The following PDE1A variants were observed in gnomAD, a reference collection of about 807,000 sequenced individuals.
PDE1A encodes the protein phosphodiesterase 1A, also known as dual specificity calcium/calmodulin-dependent 3',5'-cyclic nucleotide phosphodiesterase 1A.
A neutral mutation model predicts 61.7 loss-of-function variants in PDE1A; 35 were observed. That is an observed-to-expected ratio of 0.57 (90% CI 0.43 to 0.75). The LOEUF is 0.75. Ranked by LOEUF, PDE1A falls within the 30% of genes least tolerant of loss-of-function variation. PDE1A has a pLI of 0.00. For missense variants in PDE1A, 597 were observed against 630.6 expected (o/e 0.95, Z 0.57); for synonymous variants, 232 against 213.2 (o/e 1.09, Z -0.77).
intron 13 of PDE1A, among the ~76,000 whole-genome samples, chr2:182,150,915 T>G (rs562062944): frequency 6.6e-6 from 1 of 152,302 alleles, no homozygotes; most frequent in East Asian, 1.9e-4. Context: ...TTAGAGACTT[T>G]TGTCCTCCAG....
In PDE1A at chr2:182,182,208, C is replaced by T. The variant is rs1684822069; in HGVS notation, c.1516+3684G>A. ...TCCATGAAATGATTATATAATTTTA[C>T]CTATATACAAATAATGTGTAAGAAA... On this transcript the variant is annotated intron_variant, in intron 13 of 13. Coordinates refer to ENST00000351439, the Ensembl canonical transcript of PDE1A. Among the ~76,000 whole-genome samples, 2 of 152,146 alleles carry T rather than the reference C, an allele frequency of 1.3e-5. 1 individual carries two copies. Among genetic ancestry groups the T allele is most frequent in the African/African-American group, 4.8e-5 (2 of 41,436 alleles).
chr2:182,307,388 T>C (rs1025690727), intron 1 of PDE1A, among the ~76,000 whole-genome samples: 1 of 152,122 alleles, frequency 6.6e-6, no homozygotes, highest in African/African-American at 2.4e-5. Flanking sequence ...GGGTTCCTTA[T>C]AAAGGTGGAA....
the PDE1A span, among the ~76,000 whole-genome samples, chr2:182,648,500 C>A: frequency 1.0e-5 from 1 of 99,986 alleles, no homozygotes; most frequent in Admixed American, 1.2e-4. Flanking sequence ...GCAAGCAAGA[C>A]CCTGTCCCCA....
chr2:182,415,138 C>T (rs1029269720), intron 1 of PDE1A, among the ~76,000 whole-genome samples: 6 of 151,944 alleles, frequency 3.9e-5, no homozygotes, highest in Non-Finnish European at 2.9e-5. Context: ...AAATATATTG[C>T]CTTCAATAAA....
At chr2:182,656,863 T>C in the PDE1A span, among the ~76,000 whole-genome samples, 1 of 152,228 alleles carries the variant, frequency 6.6e-6, no homozygotes, top group East Asian at 1.9e-4. Context: ...GTGTGATTAG[T>C]CATTTTCTTC....
chr2:182,503,040 TACAC>T (rs35067674), intron 2 of PDE1A, among the ~76,000 whole-genome samples: 138 of 97,008 alleles, frequency 1.4e-3, no homozygotes, highest in African/African-American at 3.6e-3. Flanking sequence ...CATTCTTTCT[TACAC>T]ACACACACAC....
chr2:182,685,936 T>C, the PDE1A span, among the ~76,000 whole-genome samples: 1 of 152,236 alleles, frequency 6.6e-6, no homozygotes, highest in African/African-American at 2.4e-5. Flanking sequence ...TCTATTCTAC[T>C]AGTCATTAGA....
chr2:182,270,238 A>C (rs756380146), intron 1 of PDE1A, among the ~76,000 whole-genome samples: 14 of 152,198 alleles, frequency 9.2e-5, no homozygotes, highest in Non-Finnish European at 1.3e-4. Context: ...AAATCAAGCA[A>C]TTGCAGAAGA....
chr2:182,609,360 CA>C, the PDE1A span, among the ~76,000 whole-genome samples: 2 of 152,248 alleles, frequency 1.3e-5, no homozygotes, highest in African/African-American at 4.8e-5. Flanking sequence ...CAGGCTGCCC[CA>C]GCCAGCCTGG....
chr2:182,199,845 C>A (rs547118615), intron 10 of PDE1A, among the ~76,000 whole-genome samples: 16 of 152,106 alleles, frequency 1.1e-4, no homozygotes, highest in African/African-American at 3.6e-4. Context: ...AAAAATGAAA[C>A]CACACATTAT....
At chr2:182,361,145 A>G (rs1699482509) in intron 1 of PDE1A, among the ~76,000 whole-genome samples, 1 of 152,110 alleles carries the variant, frequency 6.6e-6, no homozygotes, top group African/African-American at 2.4e-5. Flanking sequence ...TGATAGTGTA[A>G]AGATCTGAAT....
the PDE1A span, among the ~76,000 whole-genome samples, chr2:182,687,030 G>T: frequency 0.048 from 7,255 of 152,302 alleles, 255 homozygotes; most frequent in Non-Finnish European, 0.074. Context: ...AAAGCAGCCC[G>T]CTGGGAAGCT....
chr2:182,435,226 C>T (rs976399106), intron 2 of PDE1A, among the ~76,000 whole-genome samples: 7 of 151,912 alleles, frequency 4.6e-5, no homozygotes, highest in African/African-American at 9.7e-5. Flanking sequence ...GTGTAATCAA[C>T]GAACATACAA....
the PDE1A span, among the ~76,000 whole-genome samples, chr2:182,666,192 C>A: frequency 1.5e-3 from 234 of 152,252 alleles, 1 homozygote; most frequent in Non-Finnish European, 1.5e-3. Context: ...GCACATCCTG[C>A]ACATGTAACC....
intron 1 of PDE1A, among the ~76,000 whole-genome samples, chr2:182,417,956 CA>C (rs1418058479): frequency 6.6e-6 from 1 of 151,984 alleles, no homozygotes; most frequent in African/African-American, 2.4e-5. Context: ...GCAGGTATTA[CA>C]AAAATATTTA....
At chr2:182,329,190 A>G (rs1307534157) in intron 1 of PDE1A, among the ~76,000 whole-genome samples, 1 of 152,142 alleles carries the variant, frequency 6.6e-6, no homozygotes, top group Non-Finnish European at 1.5e-5. Context: ...TAAAATTTAA[A>G]TTGCCAACCT....
intron 1 of PDE1A, among the ~76,000 whole-genome samples, chr2:182,417,845 G>C (rs893350470): frequency 6.6e-6 from 1 of 152,022 alleles, no homozygotes; most frequent in Admixed American, 6.6e-5. Flanking sequence ...GCAGAAGTTT[G>C]TTGTGTTTTG....
At chr2:182,675,566 C>G in the PDE1A span, among the ~76,000 whole-genome samples, 1 of 152,152 alleles carries the variant, frequency 6.6e-6, no homozygotes, top group Non-Finnish European at 1.5e-5. Flanking sequence ...AATTTACACT[C>G]CCACCAACAG....
the PDE1A span, among the ~76,000 whole-genome samples, chr2:182,626,748 C>CATATATATAT: frequency 6.0e-5 from 1 of 16,606 alleles, no homozygotes; most frequent in Non-Finnish European, 1.4e-4. Context: ...CATATATATA[C>CATATATATAT]ATATATATAT....
Sources: allele counts gnomAD v4.1 joint callset (sites outside exome capture counted in the v4.1 genomes callset), GRCh38; gene constraint gnomAD v4.1.1; transcripts MANE v1.5; gene names NCBI Gene and HGNC (gene_info 2026-07-23, HGNC 2026-07-21).